The following HSF2BP variants were observed in gnomAD, a reference collection of about 807,000 sequenced individuals.
HSF2BP encodes heat shock transcription factor 2 binding protein, also known as heat shock factor 2-binding protein.
In HSF2BP, 35 loss-of-function variants were observed where a neutral mutation model predicts 35.0. The observed-to-expected ratio is 1.00, with a 90% confidence interval of 0.76 to 1.32. The LOEUF is 1.32. HSF2BP is among the 40% of genes most tolerant of loss of function. The pLI is 0.00. For missense variants in HSF2BP, 326 were observed against 321.7 expected, an observed-to-expected ratio of 1.01 and a Z score of -0.10; for synonymous variants, 114 against 117.4, an observed-to-expected ratio of 0.97 and a Z score of 0.18.
At chr21:43,645,280 C>T (rs367676874) in intron 3 of HSF2BP, among the ~76,000 whole-genome samples, 7 of 152,162 alleles carry the variant, frequency 4.6e-5, no homozygotes, top group East Asian at 1.9e-4. Flanking sequence ...AATACAGAGT[C>T]GGCTGGGTTC....
Position 43,633,649 on chromosome 21 carries a change from T to C in HSF2BP, c.292-228A>G, listed in dbSNP as rs569828444. 2.0e-4 allele frequency among the ~76,000 whole-genome samples: 31 copies of C among 152,332 alleles called. 1 individual carries two copies. Among genetic ancestry groups the C allele is most frequent in the Admixed American group, 1.8e-3 (28 of 15,300 alleles). ...CTGAGGAAAGAACATACTACCACAT[T>C]ATGGTTGATAAACCCACAGAGCTGA... On this transcript the variant is annotated intron_variant, in intron 4 of 8. Transcript: ENST00000291560.
intron 6 of HSF2BP, among the ~76,000 whole-genome samples, chr21:43,624,621 A>C (rs534560019): frequency 1.7e-4 from 26 of 152,306 alleles, no homozygotes; most frequent in Non-Finnish European, 3.2e-4. Flanking sequence ...AGGTCCCTGG[A>C]AGACTAAGCT....
chr21:43,468,134 CCA>C, the HSF2BP span, among the ~76,000 whole-genome samples: 1 of 140,430 alleles, frequency 7.1e-6, no homozygotes, highest in Non-Finnish European at 1.5e-5. Context: ...ACCACACACA[CCA>C]CACACACCAC....
intron 4 of HSF2BP, among the ~76,000 whole-genome samples, chr21:43,642,291 AG>A (rs1015005114): frequency 2.0e-5 from 3 of 152,024 alleles, no homozygotes; most frequent in African/African-American, 7.2e-5. Flanking sequence ...TAAGCCCAGG[AG>A]GTCGAAGCTA....
chr21:43,636,840 G>A (rs749927099), intron 4 of HSF2BP, among the ~76,000 whole-genome samples: 18 of 149,004 alleles, frequency 1.2e-4, no homozygotes, highest in African/African-American at 2.0e-4. Context: ...TGCAGTAAGC[G>A]GAGATCACAC....
At chr21:43,585,493 A>G (rs2081837727) in intron 8 of HSF2BP, among the ~76,000 whole-genome samples, 2 of 152,032 alleles carry the variant, frequency 1.3e-5, no homozygotes, top group Admixed American at 1.3e-4. Flanking sequence ...ACTGGGTGGG[A>G]AAATTAGCTG....
chr21:43,644,209 C>T lies in HSF2BP; in HGVS notation c.291+80G>A, dbSNP rs182249654. Reference sequence around the variant, plus strand: ...GAGGATTAAGAGTAAAAAATTCAGTCCCACTGCTTATCATAAGTGAAAGGC... The same window carrying T: ...GAGGATTAAGAGTAAAAAATTCAGTTCCACTGCTTATCATAAGTGAAAGGC... On this transcript the variant is annotated intron_variant, in intron 4 of 8. Transcript: ENST00000291560. The T allele has an allele frequency of 3.3e-5, 32 of 972,900 alleles. No homozygotes were observed. The East Asian group carries it at 5.0e-4, about 15-fold the overall frequency. 60.3% of individuals were successfully genotyped at this position (972,900 alleles called of 1,614,324 possible). A position where few individuals can be genotyped will look rare whatever the true frequency, so the allele number is the denominator to read the frequency against.
At chr21:43,624,405 G>A (rs979052421) in intron 6 of HSF2BP, among the ~76,000 whole-genome samples, 3 of 152,128 alleles carry the variant, frequency 2.0e-5, no homozygotes, top group South Asian at 2.1e-4. Context: ...GACAAAAACC[G>A]AAGGTCATAT....
At chr21:43,585,552 G>A (rs1438301517) in intron 8 of HSF2BP, among the ~76,000 whole-genome samples, 1 of 151,994 alleles carries the variant, frequency 6.6e-6, no homozygotes, top group Non-Finnish European at 1.5e-5. Flanking sequence ...GGCTGAGACA[G>A]GGGAATCGCT....
intron 5 of HSF2BP, among the ~76,000 whole-genome samples, chr21:43,631,283 T>A (rs914176794): frequency 1.3e-5 from 2 of 152,166 alleles, no homozygotes; most frequent in Non-Finnish European, 2.9e-5. Flanking sequence ...CCTCTTCACC[T>A]TCATTTCCAG....
chr21:43,535,754 T>TAATAA (rs201654738), intron 8 of HSF2BP, among the ~76,000 whole-genome samples: 431 of 3,494 alleles, frequency 0.12, 114 homozygotes, highest in Non-Finnish European at 0.18. Flanking sequence ...TAAAATAAAA[T>TAATAA]AATAAAATAA....
chr21:43,609,975 G>A (rs1011995602), intron 7 of HSF2BP: 3 of 152,474 alleles, frequency 2.0e-5, no homozygotes, highest in Non-Finnish European at 4.4e-5. Context: ...GAACCGGAGA[G>A]GCTAGAAGTG....
chr21:43,596,904 A>AAAAAAAAGAG (rs1555859800), intron 7 of HSF2BP, among the ~76,000 whole-genome samples: 1 of 136,016 alleles, frequency 7.4e-6, no homozygotes, highest in Non-Finnish European at 1.5e-5. Context: ...AAAAAAAAAA[A>AAAAAAAAGAG]AGAGAATTTT....
At chr21:43,657,931 G>A (rs2082900067) in intron 2 of HSF2BP, 130 bp downstream of exon 2, 3 of 1,494,562 alleles carry the variant, frequency 2.0e-6, no homozygotes, top group Non-Finnish European at 1.8e-6. Context: ...CGCCGTTAGG[G>A]GAGGAAGTCT....
intron 4 of HSF2BP, among the ~76,000 whole-genome samples, chr21:43,636,588 GA>G (rs1167997172): frequency 6.6e-6 from 1 of 152,190 alleles, no homozygotes; most frequent in African/African-American, 2.4e-5. Context: ...AAGATTTGAA[GA>G]GATATTTAAC....
At chr21:43,619,489 T>C (rs184597463) in intron 6 of HSF2BP, among the ~76,000 whole-genome samples, 2 of 152,314 alleles carry the variant, frequency 1.3e-5, no homozygotes, top group East Asian at 3.9e-4. Context: ...ACTCTAAATA[T>C]GAGGCTCAGA....
intron 3 of HSF2BP, among the ~76,000 whole-genome samples, chr21:43,647,551 G>C (rs2082724931): frequency 6.6e-6 from 1 of 152,064 alleles, no homozygotes. Context: ...TCTTAATACA[G>C]GTCTAATAAC....
chr21:43,630,272 A>G lies in HSF2BP; in HGVS notation c.574+50T>C, dbSNP rs369438192. ...ATTATTGCAGTATTTGCTTTACTGCAGTGGTCTGGAAGCAAACAGGCAACA... is the reference window on the plus strand; with the variant it reads ...ATTATTGCAGTATTTGCTTTACTGCGGTGGTCTGGAAGCAAACAGGCAACA... On this transcript the variant is annotated intron_variant, in intron 6 of 8. Coordinates refer to ENST00000291560, the MANE Select transcript of HSF2BP (RefSeq NM_007031.2). 126 of 1,519,234 alleles carry G rather than the reference A, an allele frequency of 8.3e-5. No individual in the cohort carries two copies. In the African/African-American group the frequency reaches 1.6e-3, roughly 20 times the overall value. 94.1% of individuals were successfully genotyped at this position (1,519,234 alleles called of 1,614,324 possible). A position where few individuals can be genotyped will look rare whatever the true frequency, so the allele number is the denominator to read the frequency against.
intron 3 of HSF2BP, among the ~76,000 whole-genome samples, chr21:43,650,702 C>CTTT (rs998092548): frequency 3.2e-3 from 314 of 99,290 alleles, no homozygotes; most frequent in East Asian, 0.01. Flanking sequence ...TTCAGGCTTG[C>CTTT]TTTTTTTTTT....
Sources: gnomAD v4.1 joint callset for allele counts (sites outside exome capture counted in the v4.1 genomes callset) on GRCh38, gnomAD v4.1.1 for gene constraint, MANE v1.5 for transcripts, NCBI Gene and HGNC (gene_info 2026-07-23, HGNC 2026-07-21) for gene names.